MAP3K1: variants seen among roughly 807,000 people sequenced by gnomAD.
MAP3K1 encodes the protein mitogen-activated protein kinase kinase kinase 1.
In MAP3K1, 36 loss-of-function variants were observed where a neutral mutation model predicts 144.2. That is an observed-to-expected ratio of 0.25 (90% CI 0.19 to 0.33). The LOEUF (loss-of-function observed/expected upper bound fraction) is 0.33. Among genes scored for constraint, MAP3K1 ranks in the 10% least tolerant of loss-of-function variants. The pLI is 1.00. For missense variants in MAP3K1, 1,650 were observed against 1,881.9 expected, an observed-to-expected ratio of 0.88 and a Z score of 2.28; for synonymous variants, 718 against 688.7, an observed-to-expected ratio of 1.04 and a Z score of -0.67.
intron 1 of MAP3K1, among the ~76,000 whole-genome samples, chr5:56,851,216 G>T (rs1561179451): frequency 6.6e-6 from 1 of 152,208 alleles, no homozygotes; most frequent in Non-Finnish European, 1.5e-5. Context: ...AAAGTGCTGG[G>T]ATTACAGGCA....
chr5:56,828,752 A>G (rs538865964), intron 1 of MAP3K1, among the ~76,000 whole-genome samples: 16 of 152,160 alleles, frequency 1.1e-4, no homozygotes, highest in Non-Finnish European at 1.6e-4. Context: ...ATTAAAAGCT[A>G]TCTTTTTCTT....
At chr5:56,818,151 G>A (rs1746038051) in intron 1 of MAP3K1, among the ~76,000 whole-genome samples, 1 of 152,054 alleles carries the variant, frequency 6.6e-6, no homozygotes, top group Non-Finnish European at 1.5e-5. Flanking sequence ...ATGAAATATA[G>A]TGAATTTTTT....
chr5:56,823,628 T>G (rs1481967637), intron 1 of MAP3K1, among the ~76,000 whole-genome samples: 1 of 152,208 alleles, frequency 6.6e-6, no homozygotes, highest in Non-Finnish European at 1.5e-5. Context: ...TTTTCCTGTT[T>G]AGTCAGACGT....
chr5:56,819,412 G>C (rs1320565280), intron 1 of MAP3K1, among the ~76,000 whole-genome samples: 1 of 142,908 alleles, frequency 7.0e-6, no homozygotes, highest in Non-Finnish European at 1.5e-5. Flanking sequence ...GGGAAGAAAG[G>C]AGTGTTTTTT....
chr5:56,842,538 T>G (rs1421077952), intron 1 of MAP3K1, among the ~76,000 whole-genome samples: 1 of 152,176 alleles, frequency 6.6e-6, no homozygotes, highest in Non-Finnish European at 1.5e-5. Flanking sequence ...GTAGTAGTAG[T>G]GATAGTAGTA....
intron 3 of MAP3K1, among the ~76,000 whole-genome samples, chr5:56,863,729 A>G (rs1403084746): frequency 6.6e-6 from 1 of 152,230 alleles, no homozygotes; most frequent in Non-Finnish European, 1.5e-5. Flanking sequence ...AACCAGCTGC[A>G]CATTTTACAT....
At chr5:56,820,556 A>G (rs1256777186) in intron 1 of MAP3K1, 2 of 985,372 alleles carry the variant, frequency 2.0e-6, no homozygotes, top group Non-Finnish European at 2.4e-6. Context: ...CATGTCAGCC[A>G]AAGAGGGTTA....
At chr5:56,890,385 A>C (rs1355350171) in intron 19 of MAP3K1, among the ~76,000 whole-genome samples, 2 of 152,138 alleles carry the variant, frequency 1.3e-5, no homozygotes, top group African/African-American at 4.8e-5. Context: ...GTACTGTAAC[A>C]TTTTCAGTTT....
At position 56,882,473 on chromosome 5, in the gene MAP3K1, T is replaced by C. The variant is rs753831594; in HGVS notation, c.3273T>C (p.Cys1091=). 7 of 1,614,048 alleles carry C rather than the reference T, an allele frequency of 4.3e-6. No homozygotes were observed. The African/African-American group carries it at 5.3e-5, about 12-fold the overall frequency. The change falls in exon 14 of 20, where the codon TGT becomes TGC. Residue 1091 remains cysteine (C), a synonymous_variant. Coordinates refer to ENST00000399503, the MANE Select transcript of MAP3K1 (RefSeq NM_005921.2). ...TTGATCTGAACAGTAGTTCCAAATGTGATGACAGCTTTGGCTGTAGCAGCA... is the reference window on the plus strand; with the variant it reads ...TTGATCTGAACAGTAGTTCCAAATGCGATGACAGCTTTGGCTGTAGCAGCA... ...MTLDLNSSSK[C]DDSFGCSSNS...
chr5:56,848,032 G>C (rs1017331256), intron 1 of MAP3K1, among the ~76,000 whole-genome samples: 11 of 151,620 alleles, frequency 7.3e-5, no homozygotes, highest in African/African-American at 2.2e-4. Context: ...TTTTCTTTTT[G>C]ATTCACTTTT....
At chr5:56,871,085 AGTACTTT>A (rs1379659524) in intron 6 of MAP3K1, among the ~76,000 whole-genome samples, 1 of 152,166 alleles carries the variant, frequency 6.6e-6, no homozygotes, top group Non-Finnish European at 1.5e-5. Context: ...GATTTTTAAA[AGTACTTT>A]GTATGTTAGA....
chr5:56,882,123 C>A lies in MAP3K1; in HGVS notation c.2923C>A (p.His975Asn), dbSNP rs771691401. ...TTTGAACTCCTCTCCTTTATCTCAT[C>A]ATTCCCAATTAATGTTTCCAGCCTT... is the stretch of plus-strand genomic sequence containing the variant. ...QCLNSSPLSHHSQLMFPALST... is the reference protein window; with the variant it reads ...QCLNSSPLSHNSQLMFPALST... Residue 975 changes from histidine to asparagine, a missense_variant, in exon 14 of 20, where the codon CAT becomes AAT. His to Asn is a moderately conservative substitution (Grantham distance 68, BLOSUM62 1). This residue lies in a region of MAP3K1 where 841 missense variants were observed against 886.5 expected (regional missense o/e 0.95). Transcript: ENST00000399503. 3.1e-6 allele frequency: 5 copies of A among 1,613,990 alleles called. No individual in the cohort carries two copies. The highest frequency in any genetic ancestry group is 4.2e-6 in the Non-Finnish European group (5 of 1,180,034).
chr5:56,871,133 A>T, intron 6 of MAP3K1, among the ~76,000 whole-genome samples: 1 of 152,168 alleles, frequency 6.6e-6, no homozygotes, highest in Admixed American at 6.5e-5. Context: ...ATAATTAACC[A>T]TTATGTTGCG....
At position 56,881,656 on chromosome 5, in the gene MAP3K1, T is replaced by A; in HGVS notation, c.2456T>A (p.Ile819Asn). 1.2e-6 allele frequency: 2 copies of A among 1,614,034 alleles called. No individual in the cohort carries two copies. The highest frequency in any genetic ancestry group is 1.7e-6 in the Non-Finnish European group (2 of 1,179,926). The change falls in exon 14 of 20, where the codon ATC becomes AAC. Residue 819 changes from isoleucine to asparagine, a missense_variant. Around this residue, in one of 6 missense-constraint regions of MAP3K1, gnomAD observed 841 missense variants for 886.5 expected, o/e 0.95. Coordinates refer to ENST00000399503, the MANE Select transcript of MAP3K1 (RefSeq NM_005921.2). The stretch of plus-strand genomic sequence containing the variant: ...ATGGTTGGCAAACTTTCCAGAAGGA[T>A]CTACTTGAGTTCTGCAAGAATGGTT... The part of the protein sequence containing the change: ...HSMVGKLSRR[I>N]YLSSARMVTT...
At chr5:56,851,515 G>A (rs992673201) in intron 1 of MAP3K1, among the ~76,000 whole-genome samples, 2 of 152,150 alleles carry the variant, frequency 1.3e-5, no homozygotes, top group African/African-American at 4.8e-5. Flanking sequence ...CAACTTGTTA[G>A]GTTGACTTTT....
chr5:56,819,635 ATCT>A (rs72022199), intron 1 of MAP3K1, among the ~76,000 whole-genome samples: 2,755 of 152,254 alleles, frequency 0.018, 89 homozygotes, highest in African/African-American at 0.064. Context: ...TACTCCAGTC[ATCT>A]TCTTGGGTTG....
At chr5:56,830,984 G>A (rs925708359) in intron 1 of MAP3K1, among the ~76,000 whole-genome samples, 3 of 151,472 alleles carry the variant, frequency 2.0e-5, no homozygotes, top group Admixed American at 6.6e-5. Flanking sequence ...GCACGTAAAT[G>A]TTTTGTAAGA....
At chr5:56,852,862 A>G (rs957603410) in intron 1 of MAP3K1, among the ~76,000 whole-genome samples, 10 of 152,220 alleles carry the variant, frequency 6.6e-5, no homozygotes, top group African/African-American at 2.4e-4. Context: ...TATGGCTGTG[A>G]TATCTTAATT....
chr5:56,884,583 T>A (rs1353158123), intron 15 of MAP3K1, 81 bp from the exon 16 acceptor site: 3 of 1,310,072 alleles, frequency 2.3e-6, no homozygotes, highest in Non-Finnish European at 3.3e-6. Flanking sequence ...GCTAATAAAG[T>A]GCTAGTTTGC....
Sources: gnomAD v4.1 joint callset for allele counts (sites outside exome capture counted in the v4.1 genomes callset) on GRCh38, gnomAD v4.1.1 for gene constraint, gnomAD v4.1.1 regional missense constraint, MANE v1.5 for transcripts, NCBI Gene and HGNC (gene_info 2026-07-23, HGNC 2026-07-21) for gene names.